Variants in FAM13A observed in about 807,000 individuals in gnomAD.
The protein encoded by FAM13A is protein FAM13A.
Under a neutral mutation model 129.6 loss-of-function variants are expected in FAM13A, and 76 were observed. That is an observed-to-expected ratio of 0.59 (90% CI 0.49 to 0.71). The LOEUF (loss-of-function observed/expected upper bound fraction) is 0.71. Among genes scored for constraint, FAM13A ranks in the 30% least tolerant of loss-of-function variants. FAM13A has a pLI of 0.00. For missense variants in FAM13A, 1,108 were observed against 1,249.3 expected (o/e 0.89, Z 1.70); for synonymous variants, 443 against 449.9 (o/e 0.98, Z 0.20).
At position 88,748,403 on chromosome 4, in the gene FAM13A, T is replaced by G. The variant is rs73841690; in HGVS notation, c.2161+549A>C. On this transcript the variant is annotated intron_variant, in intron 17 of 23. Coordinates refer to ENST00000264344, the MANE Select transcript of FAM13A (RefSeq NM_014883.4). The stretch of plus-strand genomic sequence containing the variant: ...AAAGCTTTAGCCACATCAGCCTGTA[T>G]GATGCTCTCAGAATGTGGCATCCTT... Among the ~76,000 whole-genome samples the G allele has an allele frequency of 8.3e-3, 1,272 of 152,348 alleles. 21 individuals are homozygous for G. Among genetic ancestry groups the G allele is most frequent in the African/African-American group, 0.029 (1,224 of 41,580 alleles).
At chr4:88,804,977 C>T in intron 8 of FAM13A, 34 bp downstream of exon 8, 2 of 1,298,824 alleles carry the variant, frequency 1.5e-6, no homozygotes, top group Admixed American at 1.8e-5. Flanking sequence ...CTCCTTTATT[C>T]CCTGTAGTAG....
chr4:88,967,586 A>G (rs1759518977), intron 4 of FAM13A, among the ~76,000 whole-genome samples: 1 of 152,148 alleles, frequency 6.6e-6, no homozygotes, highest in Non-Finnish European at 1.5e-5. Flanking sequence ...CCATTGTGGG[A>G]TGCGGCTTAA....
intron 3 of FAM13A, among the ~76,000 whole-genome samples, chr4:89,014,134 C>A (rs560111244): frequency 2.0e-5 from 3 of 152,242 alleles, no homozygotes; most frequent in Admixed American, 6.5e-5. Context: ...TGAATGAATA[C>A]AAATGATTGT....
intron 3 of FAM13A, among the ~76,000 whole-genome samples, chr4:89,001,105 C>T (rs181356557): frequency 5.9e-5 from 9 of 152,318 alleles, no homozygotes; most frequent in South Asian, 4.1e-4. Flanking sequence ...AAGATGCATA[C>T]GTGTACCCAG....
intron 1 of FAM13A, 188 bp from the exon 2 acceptor site, chr4:89,029,837 G>A (rs1768456517): frequency 1.6e-6 from 1 of 615,162 alleles, no homozygotes; most frequent in Admixed American, 3.4e-5. Flanking sequence ...TAAAAGGACT[G>A]AAAAGTAATG....
At chr4:88,734,983 C>G (rs9999958) in intron 21 of FAM13A, among the ~76,000 whole-genome samples, 29,381 of 152,142 alleles carry the variant, frequency 0.19, 2,987 homozygotes, top group African/African-American at 0.24. Context: ...TTCCGGGTAT[C>G]AGTTTTAACA....
At chr4:89,019,617 C>T (rs866684430) in intron 3 of FAM13A, among the ~76,000 whole-genome samples, 4 of 151,874 alleles carry the variant, frequency 2.6e-5, no homozygotes, top group Middle Eastern at 6.8e-3. Flanking sequence ...AAAAGTTAGC[C>T]GGGCATGGTG....
At chr4:88,810,264 A>C (rs568569026) in intron 7 of FAM13A, among the ~76,000 whole-genome samples, 58 of 152,172 alleles carry the variant, frequency 3.8e-4, no homozygotes, top group Non-Finnish European at 7.5e-4. Context: ...TTGTCTGTTT[A>C]GTGGAAATTT....
At chr4:88,974,876 G>A (rs1760689993) in intron 4 of FAM13A, among the ~76,000 whole-genome samples, 1 of 152,164 alleles carries the variant, frequency 6.6e-6, no homozygotes, top group Non-Finnish European at 1.5e-5. Context: ...GACATTCATA[G>A]TCAGCACAGT....
chr4:88,844,529 G>A (rs185144150), intron 7 of FAM13A, among the ~76,000 whole-genome samples: 510 of 152,284 alleles, frequency 3.3e-3, no homozygotes, highest in Non-Finnish European at 4.8e-3. Context: ...AATTTGTAAA[G>A]CAAATATCAA....
chr4:88,746,847 C>G, intron 19 of FAM13A, 85 bp downstream of exon 19: 1 of 870,582 alleles, frequency 1.1e-6, no homozygotes, highest in Non-Finnish European at 1.9e-6. Flanking sequence ...ATTAGGGAAC[C>G]CCATTTGTAA....
At chr4:88,901,629 A>G (rs1318447873) in intron 6 of FAM13A, among the ~76,000 whole-genome samples, 2 of 152,164 alleles carry the variant, frequency 1.3e-5, no homozygotes, top group Non-Finnish European at 2.9e-5. Flanking sequence ...TCTGGGACTC[A>G]GCTAAAGCAG....
intron 6 of FAM13A, among the ~76,000 whole-genome samples, chr4:88,874,126 G>A (rs1240193587): frequency 6.6e-6 from 1 of 152,176 alleles, no homozygotes; most frequent in African/African-American, 2.4e-5. Flanking sequence ...ACTAGGTACT[G>A]ATGGAACATA....
At chr4:88,922,164 T>C (rs1032484600) in intron 5 of FAM13A, among the ~76,000 whole-genome samples, 1 of 151,980 alleles carries the variant, frequency 6.6e-6, no homozygotes, top group African/African-American at 2.4e-5. Flanking sequence ...TTAACAAGGA[T>C]ACCCAGGAAT....
At chr4:89,025,243 TTG>T (rs1767778390) in intron 2 of FAM13A, among the ~76,000 whole-genome samples, 3 of 112,526 alleles carry the variant, frequency 2.7e-5, no homozygotes, top group Non-Finnish European at 5.1e-5. Flanking sequence ...CATGGAATCA[TTG>T]TTTTTTTTTT....
chr4:88,928,311 AG>A (rs1171562169), intron 5 of FAM13A, among the ~76,000 whole-genome samples: 4 of 152,130 alleles, frequency 2.6e-5, no homozygotes, highest in African/African-American at 9.7e-5. Flanking sequence ...TATATTCCAT[AG>A]TTGTTGGGTA....
At chr4:88,767,901 T>C (rs1000151302) in intron 12 of FAM13A, 82 bp downstream of exon 12, 3 of 853,726 alleles carry the variant, frequency 3.5e-6, no homozygotes, top group Non-Finnish European at 5.9e-6. Flanking sequence ...TTCTTTTTAG[T>C]TCTTATAATT....
chr4:88,823,597 C>T (rs1732467493), intron 7 of FAM13A, among the ~76,000 whole-genome samples: 1 of 152,222 alleles, frequency 6.6e-6, no homozygotes, highest in Non-Finnish European at 1.5e-5. Flanking sequence ...GCCCACGAAA[C>T]TAAAGGTTTC....
chr4:89,056,324 A>G (rs941255116), intron 1 of FAM13A, among the ~76,000 whole-genome samples: 3 of 152,178 alleles, frequency 2.0e-5, no homozygotes, highest in Non-Finnish European at 4.4e-5. Flanking sequence ...AAATTCTAAA[A>G]CTCCAGAAAT....
Sources: allele counts gnomAD v4.1 joint callset (sites outside exome capture counted in the v4.1 genomes callset), GRCh38; gene constraint gnomAD v4.1.1; transcripts MANE v1.5; gene names NCBI Gene and HGNC (gene_info 2026-07-23, HGNC 2026-07-21).